FBXO39: variants seen among roughly 807,000 people sequenced by gnomAD.
The protein encoded by FBXO39 is F-box protein 39.
In FBXO39, 22 loss-of-function variants were observed where a neutral mutation model predicts 36.6. The observed-to-expected ratio is 0.60, with a 90% CI of 0.43 to 0.86. The LOEUF is 0.86. Among genes scored for constraint, FBXO39 ranks in the 40% least tolerant of loss-of-function variants. FBXO39 has a pLI of 0.00. For synonymous variants in FBXO39, 206 were observed against 205.8 expected, an observed-to-expected ratio of 1.00 and a Z score of -0.01; for missense variants, 536 against 543.9, an observed-to-expected ratio of 0.99 and a Z score of 0.14.
rs1169464830 is a variant in FBXO39 at position 6,786,879 on chromosome 17, G to T, written c.1123G>T (p.Ala375Ser). ...CRKLFYFKIW[A>S]FLDVSFVERI... ...GAAGTTGTTTTACTTCAAAATCTGG[G>T]CTTTCCTTGATGTTAGTTTTGTGGA... Residue 375 changes from alanine (A) to serine (S), a missense_variant, in exon 3 of 4, where the codon GCT (alanine) becomes TCT (serine). Transcript: ENST00000321535. 5 of 1,614,000 alleles carry T rather than the reference G, an allele frequency of 3.1e-6. No individual in the cohort carries two copies. In the African/African-American group the frequency reaches 6.7e-5, roughly 22 times the overall value.
chr17:6,784,842 C>T (rs1976547540), intron 2 of FBXO39, among the ~76,000 whole-genome samples: 1 of 151,734 alleles, frequency 6.6e-6, no homozygotes, highest in South Asian at 2.1e-4. Flanking sequence ...TATCGAAAGC[C>T]ATCTACAGAT....
intron 2 of FBXO39, among the ~76,000 whole-genome samples, chr17:6,784,611 T>C (rs1437368605): frequency 6.6e-6 from 1 of 152,092 alleles, no homozygotes; most frequent in Non-Finnish European, 1.5e-5. Flanking sequence ...AGCATTTCTA[T>C]ATGCCAACAG....
chr17:6,786,728 C>G, intron 2 of FBXO39, 52 bp from the exon 3 acceptor site: 1 of 1,490,980 alleles, frequency 6.7e-7, no homozygotes, highest in Non-Finnish European at 9.1e-7. Context: ...AACAACTCAG[C>G]CAGGCTCAGC....
At chr17:6,787,183 A>G in intron 3 of FBXO39, 117 bp from the exon 4 acceptor site, 1 of 1,473,786 alleles carries the variant, frequency 6.8e-7, no homozygotes, top group South Asian at 1.3e-5. Context: ...GTATGTGTAG[A>G]TCATTTAAGT....
chr17:6,780,794 G>A lies in FBXO39; in HGVS notation c.926G>A (p.Arg309Lys). The change falls in exon 2 of 4, where the codon AGG (arginine) becomes AAG (lysine). Residue 309 changes from arginine to lysine, a missense_variant. Arg to Lys is a conservative substitution (Grantham distance 26). Transcript: ENST00000321535. Reference sequence around the variant, plus strand: ...ATCCTCTTGCAGGAGATCCCGATCAGGAGCATCAGTCTGAGAAGCTGCTAT... The same window carrying A: ...ATCCTCTTGCAGGAGATCCCGATCAAGAGCATCAGTCTGAGAAGCTGCTAT... ...ARILLQEIPI[R>K]SISLRSCYFS... The A allele has an allele frequency of 6.2e-7, 1 of 1,614,110 alleles. No individual in the cohort carries two copies. The highest frequency in any genetic ancestry group is 8.5e-7 in the Non-Finnish European group (1 of 1,180,036).
Position 6,780,607 on chromosome 17 carries a change from A to C in FBXO39, c.739A>C (p.Asn247His), listed in dbSNP as rs932927041. The C allele has an allele frequency of 1.2e-6, 2 of 1,614,008 alleles. No individual in the cohort carries two copies. Reference sequence around the variant, plus strand: ...CGAGCTGCTTGAGAACTTGTGTGAGAATGCCAGCACCCTCCGGACCATCAA... The same window carrying C: ...CGAGCTGCTTGAGAACTTGTGTGAGCATGCCAGCACCCTCCGGACCATCAA... ...SDELLENLCE[N>H]ASTLRTINIK... The change falls in exon 2 of 4, where the codon AAT (asparagine) becomes CAT (histidine). Residue 247 changes from asparagine (N) to histidine (H), a missense_variant. Physicochemically the swap from Asn to His is moderately conservative, Grantham distance 68 (BLOSUM62 1). Coordinates refer to ENST00000321535, the MANE Select transcript of FBXO39 (RefSeq NM_153230.3).
At chr17:6,783,523 A>C (rs1597776283) in intron 2 of FBXO39, among the ~76,000 whole-genome samples, 1 of 152,046 alleles carries the variant, frequency 6.6e-6, no homozygotes, top group Admixed American at 6.5e-5. Flanking sequence ...ATAAGAAAAA[A>C]TGAGAGAAGA....
intron 1 of FBXO39, among the ~76,000 whole-genome samples, chr17:6,777,130 T>C (rs985825719): frequency 4.6e-5 from 7 of 152,240 alleles, no homozygotes; most frequent in African/African-American, 1.7e-4. Flanking sequence ...CTGGGATACA[T>C]GTGCAGAACA....
At chr17:6,778,700 A>C (rs1396745921) in intron 1 of FBXO39, among the ~76,000 whole-genome samples, 2 of 152,172 alleles carry the variant, frequency 1.3e-5, no homozygotes, top group African/African-American at 4.8e-5. Context: ...ACATGAGGAG[A>C]GTTTTTAGGC....
At chr17:6,783,944 A>G (rs1267707245) in intron 2 of FBXO39, among the ~76,000 whole-genome samples, 2 of 152,172 alleles carry the variant, frequency 1.3e-5, no homozygotes, top group African/African-American at 2.4e-5. Flanking sequence ...CCAAAGCCAG[A>G]TAAAGACACA....
At position 6,786,892 on chromosome 17, in the gene FBXO39, T is replaced by A; in HGVS notation, c.1136T>A (p.Val379Asp). The change falls in exon 3 of 4, where the codon GTT becomes GAT. Residue 379 changes from valine (V) to aspartate (D), a missense_variant. Coordinates refer to ENST00000321535, the MANE Select transcript of FBXO39 (RefSeq NM_153230.3). ...TTCAAAATCTGGGCTTTCCTTGATG[T>A]TAGTTTTGTGGAGCGGATCCTGAAG... is the stretch of plus-strand genomic sequence containing the variant. ...FYFKIWAFLD[V>D]SFVERILKSQ... The A allele has an allele frequency of 6.2e-7, 1 of 1,614,038 alleles. No homozygotes were observed. Among genetic ancestry groups the A allele is most frequent in the Non-Finnish European group, 8.5e-7 (1 of 1,179,966 alleles).
rs1302291142 is a variant in FBXO39, at chr17:6,784,953, G to GTGTGTGTGTATATATATATA, written c.1024-1826_1024-1825insGTGTGTGTATATATATATAT. ...TATGTGTGTGTGTGTGTGTGTGTGTGTATATATATATATGGAACCACAAAA... is the reference window on the plus strand; with the variant it reads ...TATGTGTGTGTGTGTGTGTGTGTGTGTGTGTGTGTATATATATATATATATATATATATGGAACCACAAAA... On this transcript the variant is annotated intron_variant, in intron 2 of 3. Coordinates refer to ENST00000321535, the MANE Select transcript of FBXO39 (RefSeq NM_153230.3). 2.3e-4 allele frequency among the ~76,000 whole-genome samples: 26 copies of GTGTGTGTGTATATATATATA among 113,872 alleles called. 1 individual carries two copies. Among genetic ancestry groups the GTGTGTGTGTATATATATATA allele is most frequent in the African/African-American group, 8.7e-4 (24 of 27,444 alleles). The allele number at this position is 113,872 out of a possible 152,430, so 74.7% of individuals were successfully genotyped here. A position where few individuals can be genotyped will look rare whatever the true frequency, so the allele number is the denominator to read the frequency against.
In FBXO39 at chr17:6,787,311, T is replaced by C. The variant is rs773681850; in HGVS notation, c.1212T>C (p.Tyr404=). The C allele has an allele frequency of 6.8e-6, 11 of 1,613,782 alleles. No individual in the cohort carries two copies. In the Admixed American group the frequency reaches 1.5e-4, roughly 22 times the overall value. ...CTCTGTTGGCACAGGCGAGAATTTATACAAACAGATATGAGACGAATGAAG... is the reference window on the plus strand; with the variant it reads ...CTCTGTTGGCACAGGCGAGAATTTACACAAACAGATATGAGACGAATGAAG... ...CALRVFKARI[Y]TNRYETNEED... The change falls in exon 4 of 4, where the codon TAT becomes TAC. Residue 404 remains tyrosine, a synonymous_variant. Coordinates refer to ENST00000321535, the MANE Select transcript of FBXO39 (RefSeq NM_153230.3).
Position 6,778,428 on chromosome 17 carries a change from G to C in FBXO39, c.-80-1361G>C, listed in dbSNP as rs1976461113. 2.6e-5 allele frequency among the ~76,000 whole-genome samples: 4 copies of C among 152,182 alleles called. No homozygotes were observed. In the South Asian group the frequency reaches 8.3e-4, roughly 32 times the overall value. Reference sequence around the variant, plus strand: ...CAAGAGGTGGGGACAGGAAAAAAAAGTACAGAAGAAAGAGTCAAAAAGCCC... The same window carrying C: ...CAAGAGGTGGGGACAGGAAAAAAAACTACAGAAGAAAGAGTCAAAAAGCCC... On this transcript the variant is annotated intron_variant, in intron 1 of 3. Transcript: ENST00000321535.
rs766279425 is a variant in FBXO39 at position 6,780,068 on chromosome 17, C to T, written c.200C>T (p.Pro67Leu). The T allele has an allele frequency of 1.9e-6, 3 of 1,614,088 alleles. No individual in the cohort carries two copies. Among genetic ancestry groups the T allele is most frequent in the East Asian group, 4.5e-5 (2 of 44,900 alleles). Residue 67 changes from proline to leucine, a missense_variant, in exon 2 of 4, where the codon CCT (proline) becomes CTT (leucine). By Grantham distance (98) the Pro-to-Leu change is moderately conservative. Transcript: ENST00000321535. ...RYRTITFSGRPSRVHASEVES... is the reference protein window; with the variant it reads ...RYRTITFSGRLSRVHASEVES... Reference sequence around the variant, plus strand: ...AGAACCATCACCTTCAGCGGGAGACCTTCCAGGGTACATGCATCTGAAGTT... The same window carrying T: ...AGAACCATCACCTTCAGCGGGAGACTTTCCAGGGTACATGCATCTGAAGTT...
intron 1 of FBXO39, among the ~76,000 whole-genome samples, chr17:6,776,633 T>G (rs1260217723): frequency 6.6e-6 from 1 of 152,154 alleles, no homozygotes; most frequent in African/African-American, 2.4e-5. Flanking sequence ...GTGTTTGTAT[T>G]CCTATCTTCC....
chr17:6,777,240 C>T (rs575637956), intron 1 of FBXO39, among the ~76,000 whole-genome samples: 2 of 152,012 alleles, frequency 1.3e-5, no homozygotes, highest in Non-Finnish European at 2.9e-5. Context: ...GGTATTTGTC[C>T]TAATGCTCTC....
At chr17:6,785,635 G>T (rs942052022) in intron 2 of FBXO39, among the ~76,000 whole-genome samples, 1 of 151,334 alleles carries the variant, frequency 6.6e-6, no homozygotes, top group African/African-American at 2.4e-5. Flanking sequence ...AATATACAGA[G>T]CTCAAACAAC....
intron 1 of FBXO39, 78 bp from the exon 2 acceptor site, chr17:6,779,711 G>A (rs1326281565): frequency 1.3e-6 from 1 of 745,160 alleles, no homozygotes; most frequent in Non-Finnish European, 2.2e-6. Flanking sequence ...AATGCACTTG[G>A]GACCACAGGG....
Sources: allele counts gnomAD v4.1 joint callset (sites outside exome capture counted in the v4.1 genomes callset), GRCh38; gene constraint gnomAD v4.1.1; transcripts MANE v1.5; gene names NCBI Gene and HGNC (gene_info 2026-07-23, HGNC 2026-07-21).